Variants in ZNF469 observed in about 807,000 individuals in gnomAD.
The protein encoded by ZNF469 is zinc finger protein 469.
A neutral mutation model predicts 1.0 loss-of-function variants in ZNF469; 1 was observed. The ratio of observed to expected loss-of-function variants is 1.00; its 90% confidence interval spans 0.35 to 4.73. The LOEUF is 4.73. Ranked by LOEUF, ZNF469 falls within the 30% of genes most tolerant of loss-of-function variation. The pLI is 0.16. For synonymous variants in ZNF469, 2,703 were observed against 2,363.4 expected (o/e 1.14, Z -4.17); for missense variants, 6,100 against 5,356.3 (o/e 1.14, Z -4.33).
intron 1 of ZNF469, among the ~76,000 whole-genome samples, chr16:88,383,689 G>A (rs1210029854): frequency 6.6e-6 from 1 of 151,324 alleles, no homozygotes; most frequent in Non-Finnish European, 1.5e-5. Flanking sequence ...GGGTGCCCCA[G>A]CCGTGCCGCC....
At chr16:88,108,114 TGG>T in the ZNF469 span, among the ~76,000 whole-genome samples, 1 of 125,558 alleles carries the variant, frequency 8.0e-6, no homozygotes, top group Non-Finnish European at 1.7e-5. Context: ...TGTGGGGATG[TGG>T]GGATGGAGGT....
chr16:88,196,131 G>A, the ZNF469 span, among the ~76,000 whole-genome samples: 31,235 of 152,194 alleles, frequency 0.21, 3,611 homozygotes, highest in East Asian at 0.31. Context: ...TGTAGGTGGC[G>A]AAACTGAGGC....
the ZNF469 span, among the ~76,000 whole-genome samples, chr16:88,128,754 C>A: frequency 3.1e-4 from 47 of 152,372 alleles, no homozygotes; most frequent in African/African-American, 1.1e-3. Context: ...GGGGCCCTCC[C>A]AGCCCCTCCA....
At position 88,430,452 on chromosome 16, in the gene ZNF469, C is replaced by G; in HGVS notation, c.2982C>G (p.Pro994=). ...DGLGERPPPR[P]RRPRTQAPGS... is the part of the protein sequence containing the mutation. ...TCGGGGAGCGGCCCCCACCCCGTCC[C>G]CGGCGCCCTAGAACGCAGGCCCCCG... The change falls in exon 3 of 3, where the codon CCC becomes CCG. Residue 994 remains proline, a synonymous_variant. Coordinates refer to ENST00000565624, the MANE Select transcript of ZNF469 (RefSeq NM_001367624.2). 6.7e-7 allele frequency: 1 copy of G among 1,495,720 alleles called. No homozygotes were observed. Among genetic ancestry groups the G allele is most frequent in the Non-Finnish European group, 8.9e-7 (1 of 1,128,364 alleles). 92.7% of individuals were successfully genotyped at this position (1,495,720 alleles called of 1,614,324 possible). A position where few individuals can be genotyped will look rare whatever the true frequency, so the allele number is the denominator to read the frequency against.
At chr16:88,272,992 G>A in the ZNF469 span, among the ~76,000 whole-genome samples, 2 of 151,756 alleles carry the variant, frequency 1.3e-5, no homozygotes, top group Admixed American at 6.6e-5. Context: ...ATGAACGGGT[G>A]GGTGTGTGGA....
At position 88,436,522 on chromosome 16, in the gene ZNF469, C is replaced by A; in HGVS notation, c.9052C>A (p.Pro3018Thr). The change falls in exon 3 of 3, where the codon CCC (proline) becomes ACC (threonine). Residue 3018 changes from proline (P) to threonine (T), a missense_variant. By Grantham distance (38) the Pro-to-Thr change is conservative. Coordinates refer to ENST00000565624, the MANE Select transcript of ZNF469 (RefSeq NM_001367624.2). ...CTCCTCTTCTCTCGGAGATGTGAGC[C>A]CCGAGCCCCCCAGCCTGGAGAGAGA... ...DSSSSLGDVS[P>T]EPPSLERERC... 6.5e-7 allele frequency: 1 copy of A among 1,549,064 alleles called. No homozygotes were observed. Among genetic ancestry groups the A allele is most frequent in the African/African-American group, 1.4e-5 (1 of 73,198 alleles).
At chr16:88,316,429 G>A in the ZNF469 span, among the ~76,000 whole-genome samples, 2 of 152,100 alleles carry the variant, frequency 1.3e-5, no homozygotes, top group African/African-American at 4.8e-5. Context: ...TCCTTCCGGG[G>A]TTTTCATGAG....
chr16:88,223,815 T>G, the ZNF469 span, among the ~76,000 whole-genome samples: 1 of 152,240 alleles, frequency 6.6e-6, no homozygotes, highest in African/African-American at 2.4e-5. Flanking sequence ...CTCCTGTCCC[T>G]CTGGGCCGCC....
At chr16:88,201,642 G>A in the ZNF469 span, among the ~76,000 whole-genome samples, 1 of 152,180 alleles carries the variant, frequency 6.6e-6, no homozygotes, top group African/African-American at 2.4e-5. The surrounding 1 kb of genome is among the most constrained non-coding windows in gnomAD (Gnocchi z 5.0). Flanking sequence ...TGTGGCTGCC[G>A]GCAGTCCTGC....
At chr16:88,200,627 G>A in the ZNF469 span, among the ~76,000 whole-genome samples, 2 of 152,224 alleles carry the variant, frequency 1.3e-5, no homozygotes, top group Non-Finnish European at 2.9e-5. Flanking sequence ...TGGGCTGGAC[G>A]TCAAACCACA....
the ZNF469 span, among the ~76,000 whole-genome samples, chr16:88,264,659 G>A: frequency 1.3e-5 from 2 of 149,118 alleles, no homozygotes; most frequent in Non-Finnish European, 3.0e-5. Context: ...TGCATGGCCA[G>A]AGGAGACACA....
intron 1 of ZNF469, among the ~76,000 whole-genome samples, chr16:88,405,027 G>A (rs2142278004): frequency 6.6e-6 from 1 of 152,312 alleles, no homozygotes; most frequent in South Asian, 2.1e-4. Flanking sequence ...GTCTAACAGG[G>A]CGGGGAGGGG....
the ZNF469 span, among the ~76,000 whole-genome samples, chr16:88,361,259 C>T: frequency 2.0e-5 from 3 of 152,158 alleles, no homozygotes; most frequent in Non-Finnish European, 2.9e-5. Flanking sequence ...GGGGAGTGGA[C>T]GTAAATACAG....
At chr16:88,219,605 T>C in the ZNF469 span, among the ~76,000 whole-genome samples, 4 of 150,118 alleles carry the variant, frequency 2.7e-5, no homozygotes, top group African/African-American at 4.9e-5. Context: ...TTACACCTTA[T>C]ACAAAAATCA....
chr16:88,165,665 A>G, the ZNF469 span, among the ~76,000 whole-genome samples: 1 of 152,310 alleles, frequency 6.6e-6, no homozygotes, highest in Non-Finnish European at 1.5e-5. Flanking sequence ...CTTTTAAGGT[A>G]CAGTTCTCTG....
chr16:88,204,136 C>T, the ZNF469 span, among the ~76,000 whole-genome samples: 16 of 150,990 alleles, frequency 1.1e-4, no homozygotes, highest in African/African-American at 3.7e-4. Flanking sequence ...GGAGGCGCTC[C>T]GTAACCCCAT....
At chr16:88,203,542 G>A in the ZNF469 span, among the ~76,000 whole-genome samples, 6 of 152,214 alleles carry the variant, frequency 3.9e-5, no homozygotes, top group African/African-American at 9.6e-5. Flanking sequence ...GGCCAAAGCC[G>A]TGGAATTCAC....
chr16:88,118,133 G>C, the ZNF469 span, among the ~76,000 whole-genome samples: 1 of 152,108 alleles, frequency 6.6e-6, no homozygotes, highest in African/African-American at 2.4e-5. Context: ...AGTAGAGACG[G>C]GGTTTTGCCA....
At chr16:88,119,625 G>A in the ZNF469 span, among the ~76,000 whole-genome samples, 9 of 152,228 alleles carry the variant, frequency 5.9e-5, no homozygotes, top group African/African-American at 1.2e-4. Context: ...ATGGGGTGGA[G>A]ACACAGGTGC....
Sources: allele counts gnomAD v4.1 joint callset (sites outside exome capture counted in the v4.1 genomes callset), GRCh38; gene constraint gnomAD v4.1.1; non-coding constraint Gnocchi (gnomAD v3.1); transcripts MANE v1.5; gene names NCBI Gene and HGNC (gene_info 2026-07-23, HGNC 2026-07-21).